HVCN1: variants seen among roughly 807,000 people sequenced by gnomAD.
HVCN1 encodes the protein hydrogen voltage gated channel 1, also known as voltage-gated hydrogen channel 1.
Under a neutral mutation model 29.2 loss-of-function variants are expected in HVCN1, and 14 were observed. That is an observed-to-expected ratio of 0.48 (90% CI 0.32 to 0.75). HVCN1 has a LOEUF of 0.75. HVCN1 is among the 30% of genes least tolerant of loss of function. The probability of loss-of-function intolerance (pLI) is 0.04; values close to 1 mark genes in which losing one functional copy is unlikely to be tolerated. For synonymous variants in HVCN1, 131 were observed against 133.2 expected (o/e 0.98, Z 0.11); for missense variants, 263 against 341.8 (o/e 0.77, Z 1.82).
Position 110,661,947 on chromosome 12 carries a change from A to G in HVCN1, c.22-499T>C, listed in dbSNP as rs994550246. Reference sequence around the variant, plus strand: ...AGATGGACATTTTCCAAGTTCAGCCAGTGCTATTCACACGGACAGTTGTTT... The same window carrying G: ...AGATGGACATTTTCCAAGTTCAGCCGGTGCTATTCACACGGACAGTTGTTT... On this transcript the variant is annotated intron_variant, in intron 3 of 7. Transcript: ENST00000242607. This position sits in a 1 kb window ranked among gnomAD's most constrained non-coding sequence, Gnocchi z 6.2. 5.3e-5 allele frequency among the ~76,000 whole-genome samples: 8 copies of G among 152,266 alleles called. No individual in the cohort carries two copies. The highest frequency in any genetic ancestry group is 1.9e-4 in the African/African-American group (8 of 41,470).
At chr12:110,650,059 G>C (rs1285253928) in intron 7 of HVCN1, 109 bp downstream of exon 7, 2 of 686,344 alleles carry the variant, frequency 2.9e-6, no homozygotes, top group African/African-American at 3.6e-5. Context: ...TGGTCAGGCT[G>C]GTCTCGAACT....
chr12:110,669,734 CTT>C (rs1397155665), intron 3 of HVCN1, among the ~76,000 whole-genome samples: 1 of 152,146 alleles, frequency 6.6e-6, no homozygotes, highest in Non-Finnish European at 1.5e-5. Flanking sequence ...GGCAGAGACT[CTT>C]CCTCAGTCAC....
At position 110,655,336 on chromosome 12, in the gene HVCN1, G is replaced by A. The variant is rs370024551; in HGVS notation, c.309C>T (p.Val103=). 3.1e-6 allele frequency: 5 copies of A among 1,612,722 alleles called. No homozygotes were observed. In the African/African-American group the frequency reaches 6.7e-5, roughly 22 times the overall value. ...CCAGAACCACCAAGCAGATGATGATGACCTGTGGGCCGAGGGAAGGTGCCA... is the reference window on the plus strand; with the variant it reads ...CCAGAACCACCAAGCAGATGATGATAACCTGTGGGCCGAGGGAAGGTGCCA... ...RKLFSSHRFQ[V]IIICLVVLDA... is the part of the protein sequence containing the mutation. The change falls in exon 5 of 8, where the codon GTC becomes GTT. Residue 103 remains valine (V), a splice_region_variant and synonymous_variant. Coordinates refer to ENST00000242607, the MANE Select transcript of HVCN1 (RefSeq NM_032369.4).
At chr12:110,649,587 C>T (rs878896513) in intron 7 of HVCN1, 112 bp from the exon 8 acceptor site, 27 of 785,318 alleles carry the variant, frequency 3.4e-5, no homozygotes, top group Non-Finnish European at 4.8e-5. Context: ...ATGAAAGCTA[C>T]GCTGTTTGTG....
intron 2 of HVCN1, among the ~76,000 whole-genome samples, chr12:110,686,642 G>A (rs1256101968): frequency 6.6e-6 from 1 of 152,118 alleles, no homozygotes. Flanking sequence ...AGCAATTCAA[G>A]CAACAGAAAC....
At chr12:110,689,223 A>AC (rs1464770990), upstream of HVCN1, 1 of 142,420 alleles carries the variant, frequency 7.0e-6, no homozygotes, top group South Asian at 2.3e-4. This position sits in a 1 kb window ranked among gnomAD's most constrained non-coding sequence, Gnocchi z 5.7. Flanking sequence ...CAGCCCGCAG[A>AC]CCCCCAACGG....
intron 4 of HVCN1, among the ~76,000 whole-genome samples, chr12:110,659,806 G>A (rs566316237): frequency 3.9e-5 from 6 of 152,256 alleles, no homozygotes; most frequent in South Asian, 4.1e-4. Flanking sequence ...AGTGGCTCAC[G>A]CCTGTAATCC....
rs1315001098 is a variant in HVCN1 at position 110,687,260 on chromosome 12, C to CA, written c.-20+1364_-20+1365insT. ...GGAAATATACAAGACAGACCACACCCCCCCCCCCCAGCTAAGCACTGGGAA... is the reference window on the plus strand; with the variant it reads ...GGAAATATACAAGACAGACCACACCCACCCCCCCCCAGCTAAGCACTGGGAA... On this transcript the variant is annotated intron_variant, in intron 2 of 7. Coordinates refer to ENST00000242607, the MANE Select transcript of HVCN1 (RefSeq NM_032369.4). Among the ~76,000 whole-genome samples the CA allele has an allele frequency of 3.2e-5, 4 of 125,092 alleles. No individual in the cohort carries two copies. In the East Asian group the frequency reaches 6.0e-4, roughly 19 times the overall value. The allele number at this position is 125,092 out of a possible 152,430, so 82.1% of individuals were successfully genotyped here. A position where few individuals can be genotyped will look rare whatever the true frequency, so the allele number is the denominator to read the frequency against.
intron 3 of HVCN1, among the ~76,000 whole-genome samples, chr12:110,662,889 G>T (rs539393312): frequency 1.3e-5 from 2 of 152,200 alleles, no homozygotes; most frequent in African/African-American, 2.4e-5. Flanking sequence ...AATATATAAA[G>T]AAATCTTATA....
At chr12:110,695,141 G>A (rs1332872463) in intron 2 of HVCN1, among the ~76,000 whole-genome samples, 1 of 152,140 alleles carries the variant, frequency 6.6e-6, no homozygotes, top group East Asian at 1.9e-4. Context: ...GGGTGCGGGG[G>A]CTCACGCCTG....
exon 2 of HVCN1, chr12:110,702,424 G>A (rs1249130085): frequency 6.6e-6 from 1 of 152,090 alleles, no homozygotes; most frequent in Non-Finnish European, 1.5e-5. Flanking sequence ...GGTGAGGTAG[G>A]CAGCGTTCTC....
chr12:110,678,220 C>G (rs536197274), intron 3 of HVCN1, among the ~76,000 whole-genome samples: 53 of 152,286 alleles, frequency 3.5e-4, no homozygotes, highest in African/African-American at 1.3e-3. Context: ...CCAGCTCCCC[C>G]TCCTCCTGCG....
rs144747055 is a variant in HVCN1, at chr12:110,703,787, C to T, written c.-229+1088G>A. Among the ~76,000 whole-genome samples, 237 of 152,074 alleles carry T rather than the reference C, an allele frequency of 1.6e-3. 1 individual carries two copies. Among genetic ancestry groups the T allele is most frequent in the Middle Eastern group, 6.8e-3 (2 of 294 alleles). On this transcript the variant is annotated intron_variant, in intron 1 of 4. Coordinates refer to the HVCN1 transcript ENST00000546713. ...GCAACCTCTGCCTCCCAGGTTCAAG[C>T]GATTCTCGTGTCTCAGCCTCCCAAG... is the stretch of plus-strand genomic sequence containing the variant.
chr12:110,660,312 C>T (rs1207936033), intron 4 of HVCN1, among the ~76,000 whole-genome samples: 1 of 152,204 alleles, frequency 6.6e-6, no homozygotes, highest in African/African-American at 2.4e-5. Flanking sequence ...ACAGAAAGTT[C>T]AGTTCCCTTC....
At chr12:110,665,270 C>G (rs556371214) in intron 3 of HVCN1, among the ~76,000 whole-genome samples, 1 of 152,226 alleles carries the variant, frequency 6.6e-6, no homozygotes, top group South Asian at 2.1e-4. Flanking sequence ...ATAGAAGATT[C>G]AAAATGGTTG....
Position 110,649,149 on chromosome 12 carries a change from C to T in HVCN1, c.*261G>A, listed in dbSNP as rs1353813358. ...CTAGCAATTGTCCAGCTTTGTTGCT[C>T]ATTTTCAATTAAGGCTAAAGTGTTC... On this transcript the variant is annotated 3_prime_UTR_variant, in exon 8 of 8. Transcript: ENST00000242607. 6 of 678,050 alleles carry T rather than the reference C, an allele frequency of 8.8e-6. No individual in the cohort carries two copies. Among genetic ancestry groups the T allele is most frequent in the Non-Finnish European group, 5.3e-6 (2 of 373,832 alleles). The allele number at this position is 678,050 out of a possible 1,614,324, so 42.0% of individuals were successfully genotyped here. A position where few individuals can be genotyped will look rare whatever the true frequency, so the allele number is the denominator to read the frequency against.
chr12:110,677,226 A>G (rs2068777948), intron 3 of HVCN1, among the ~76,000 whole-genome samples: 1 of 151,496 alleles, frequency 6.6e-6, no homozygotes, highest in African/African-American at 2.4e-5. Flanking sequence ...AAAGACATCA[A>G]TGCCTCCCAG....
At chr12:110,675,247 T>A (rs932509048) in intron 3 of HVCN1, among the ~76,000 whole-genome samples, 3 of 152,034 alleles carry the variant, frequency 2.0e-5, no homozygotes, top group African/African-American at 7.2e-5. Context: ...TCACCTGAGG[T>A]CAGGAGTTCA....
upstream of HVCN1, among the ~76,000 whole-genome samples, chr12:110,693,316 G>A (rs1001058095): frequency 6.6e-6 from 1 of 152,138 alleles, no homozygotes; most frequent in Admixed American, 6.6e-5. Context: ...GGCTGAGGCC[G>A]GTGGATCACC....
Sources: gnomAD v4.1 joint callset for allele counts (sites outside exome capture counted in the v4.1 genomes callset) on GRCh38, gnomAD v4.1.1 for gene constraint, Gnocchi (gnomAD v3.1) non-coding constraint, MANE v1.5 for transcripts, NCBI Gene and HGNC (gene_info 2026-07-23, HGNC 2026-07-21) for gene names.